The following TOX variants were observed in gnomAD, a reference collection of about 807,000 sequenced individuals.
TOX encodes the protein thymocyte selection-associated high mobility group box protein TOX.
In TOX, 11 loss-of-function variants were observed where a neutral mutation model predicts 53.7. The ratio of observed to expected loss-of-function variants is 0.20; its 90% confidence interval spans 0.13 to 0.34. The LOEUF (loss-of-function observed/expected upper bound fraction) is 0.34, where lower values mean the gene tolerates loss of function less well. Among genes scored for constraint, TOX ranks in the 10% least tolerant of loss-of-function variants. The pLI is 1.00. For missense variants in TOX, 570 were observed against 664.6 expected (o/e 0.86, Z 1.56); for synonymous variants, 225 against 245.3 (o/e 0.92, Z 0.77).
chr8:59,066,439 C>T (rs760292068), intron 1 of TOX, among the ~76,000 whole-genome samples: 10 of 151,970 alleles, frequency 6.6e-5, no homozygotes, highest in African/African-American at 9.7e-5. Context: ...AATGTTCTTA[C>T]GATCTTAACA....
At chr8:58,824,939 T>C (rs1312792318) in intron 6 of TOX, among the ~76,000 whole-genome samples, 1 of 152,176 alleles carries the variant, frequency 6.6e-6, no homozygotes, top group Non-Finnish European at 1.5e-5. Flanking sequence ...GAATATATCA[T>C]GTAGCATTTT....
At chr8:59,021,738 C>T (rs1048596129) in intron 1 of TOX, among the ~76,000 whole-genome samples, 4 of 151,840 alleles carry the variant, frequency 2.6e-5, no homozygotes, top group Non-Finnish European at 5.9e-5. Flanking sequence ...TGGTATATAC[C>T]ATTTTGATTT....
intron 1 of TOX, among the ~76,000 whole-genome samples, chr8:59,027,743 G>C (rs1012247130): frequency 5.9e-5 from 9 of 152,110 alleles, no homozygotes; most frequent in African/African-American, 1.9e-4. Context: ...GTGCACAAAT[G>C]ATATTTCTGA....
chr8:59,083,992 T>C (rs1804462051), intron 1 of TOX, among the ~76,000 whole-genome samples: 1 of 152,160 alleles, frequency 6.6e-6, no homozygotes, highest in African/African-American at 2.4e-5. Context: ...CACAATGCTA[T>C]ACTCAATGTT....
At chr8:59,084,271 G>A (rs1256709534) in intron 1 of TOX, among the ~76,000 whole-genome samples, 1 of 151,918 alleles carries the variant, frequency 6.6e-6, no homozygotes, top group Middle Eastern at 3.2e-3. Flanking sequence ...AAATGCTACA[G>A]AGATAAAGAA....
chr8:58,890,216 T>C (rs1811539137), intron 3 of TOX, among the ~76,000 whole-genome samples: 1 of 152,016 alleles, frequency 6.6e-6, no homozygotes, highest in Admixed American at 6.6e-5. Context: ...TGGGAGAAAT[T>C]CAAAGAGGAA....
intron 3 of TOX, among the ~76,000 whole-genome samples, chr8:58,910,164 G>A (rs1392636339): frequency 6.6e-6 from 1 of 152,158 alleles, no homozygotes; most frequent in Non-Finnish European, 1.5e-5. Flanking sequence ...TATTGCAATA[G>A]TCTAGGAATC....
chr8:58,914,774 A>G (rs1217204684), intron 3 of TOX, among the ~76,000 whole-genome samples: 1 of 151,924 alleles, frequency 6.6e-6, no homozygotes, highest in Admixed American at 6.5e-5. Context: ...TGATTTCTGC[A>G]TTTCCATCTG....
chr8:59,026,634 C>A (rs780841030), intron 1 of TOX, among the ~76,000 whole-genome samples: 1 of 152,116 alleles, frequency 6.6e-6, no homozygotes, highest in Non-Finnish European at 1.5e-5. Context: ...CCCTTGGACA[C>A]TGAGAAATGC....
At chr8:58,986,440 TAAGCA>T (rs1813329297) in intron 1 of TOX, among the ~76,000 whole-genome samples, 1 of 152,236 alleles carries the variant, frequency 6.6e-6, no homozygotes, top group Admixed American at 6.5e-5. Flanking sequence ...AAAGTAACTC[TAAGCA>T]ACGTGGATCG....
At chr8:58,882,349 G>A (rs1811397335) in intron 3 of TOX, among the ~76,000 whole-genome samples, 1 of 152,316 alleles carries the variant, frequency 6.6e-6, no homozygotes, top group Non-Finnish European at 1.5e-5. Context: ...TGGACAGGCA[G>A]CTACTGTCAC....
intron 1 of TOX, among the ~76,000 whole-genome samples, chr8:59,085,988 T>C (rs1402512407): frequency 1.4e-5 from 2 of 145,874 alleles, no homozygotes; most frequent in Non-Finnish European, 1.5e-5. Context: ...TCTTTTTTTT[T>C]TTTTTTTTTT....
chr8:58,996,039 T>C (rs1438021382), intron 1 of TOX, among the ~76,000 whole-genome samples: 1 of 152,214 alleles, frequency 6.6e-6, no homozygotes, highest in Non-Finnish European at 1.5e-5. Flanking sequence ...AAATCTATTC[T>C]TCGTCCAGTT....
intron 3 of TOX, among the ~76,000 whole-genome samples, chr8:58,869,507 C>T (rs1471078776): frequency 7.2e-5 from 11 of 151,962 alleles, no homozygotes; most frequent in Non-Finnish European, 1.3e-4. Context: ...GAATTAGAAA[C>T]AGACGAAAGA....
At chr8:58,949,407 T>C (rs1404649667) in intron 2 of TOX, among the ~76,000 whole-genome samples, 1 of 152,192 alleles carries the variant, frequency 6.6e-6, no homozygotes. Flanking sequence ...CCATGACAAA[T>C]AACTTAATCC....
chr8:58,807,898 A>G (rs1217368934), intron 8 of TOX, 115 bp from the exon 9 acceptor site: 3 of 1,398,194 alleles, frequency 2.1e-6, no homozygotes, highest in Non-Finnish European at 2.0e-6. Context: ...TTCACTGGGA[A>G]ACTGCAATTA....
chr8:58,913,426 G>A (rs923649678), intron 3 of TOX, among the ~76,000 whole-genome samples: 3 of 152,256 alleles, frequency 2.0e-5, no homozygotes, highest in Non-Finnish European at 2.9e-5. Context: ...GTAAATGTGG[G>A]AAGTGATACC....
At chr8:58,865,624 C>T (rs1372046645) in intron 3 of TOX, among the ~76,000 whole-genome samples, 4 of 151,910 alleles carry the variant, frequency 2.6e-5, no homozygotes, top group African/African-American at 9.7e-5. Flanking sequence ...GCTCTGTGGA[C>T]ATGCCCTTCT....
chr8:58,879,787 A>C (rs1427987012), intron 3 of TOX, among the ~76,000 whole-genome samples: 1 of 152,246 alleles, frequency 6.6e-6, no homozygotes, highest in African/African-American at 2.4e-5. Flanking sequence ...ACAAGGCTCT[A>C]CTGGATGGAT....
Sources: gnomAD v4.1 joint callset for allele counts (sites outside exome capture counted in the v4.1 genomes callset) on GRCh38, gnomAD v4.1.1 for gene constraint, MANE v1.5 for transcripts, NCBI Gene and HGNC (gene_info 2026-07-23, HGNC 2026-07-21) for gene names.